UVRAG: variants seen among roughly 807,000 people sequenced by gnomAD.
The protein encoded by UVRAG is UV radiation resistance associated.
In UVRAG, 19 loss-of-function variants were observed where a neutral mutation model predicts 78.0. The observed-to-expected ratio is 0.24, with a 90% confidence interval of 0.17 to 0.36. UVRAG has a LOEUF of 0.36. Ranked by LOEUF, UVRAG falls within the 10% of genes least tolerant of loss-of-function variation. UVRAG has a pLI of 1.00. For synonymous variants in UVRAG, 323 were observed against 324.6 expected, an observed-to-expected ratio of 1.00 and a Z score of 0.05; for missense variants, 740 against 853.8, an observed-to-expected ratio of 0.87 and a Z score of 1.66.
intron 13 of UVRAG, among the ~76,000 whole-genome samples, chr11:76,104,689 T>C (rs1031622502): frequency 6.6e-6 from 1 of 152,220 alleles, no homozygotes; most frequent in African/African-American, 2.4e-5. Context: ...ACCACACATA[T>C]ACATGCACAC....
intron 5 of UVRAG, among the ~76,000 whole-genome samples, chr11:75,905,078 A>G (rs1947586803): frequency 6.6e-6 from 1 of 152,136 alleles, no homozygotes; most frequent in South Asian, 2.1e-4. Context: ...TTTTATAGTA[A>G]GAAAAAATAT....
intron 14 of UVRAG, among the ~76,000 whole-genome samples, chr11:76,121,854 ACAGTGG>A (rs1190740386): frequency 6.6e-6 from 1 of 152,140 alleles, no homozygotes; most frequent in Non-Finnish European, 1.5e-5. Flanking sequence ...ACTCAACACC[ACAGTGG>A]CAGCTACAGA....
At chr11:75,885,227 AC>A (rs764447105) in intron 4 of UVRAG, among the ~76,000 whole-genome samples, 21 of 152,004 alleles carry the variant, frequency 1.4e-4, no homozygotes, top group Non-Finnish European at 2.9e-4. Flanking sequence ...CAAATCTGGT[AC>A]TTTTTTTTGG....
At chr11:76,136,393 T>G (rs1489504326) in intron 14 of UVRAG, among the ~76,000 whole-genome samples, 2 of 152,168 alleles carry the variant, frequency 1.3e-5, no homozygotes, top group African/African-American at 4.8e-5. Context: ...GATAGTCCAT[T>G]CAGTGAAGCA....
At chr11:75,996,680 T>G (rs1949713628) in intron 8 of UVRAG, among the ~76,000 whole-genome samples, 1 of 152,160 alleles carries the variant, frequency 6.6e-6, no homozygotes, top group South Asian at 2.1e-4. Context: ...GGCACAATAA[T>G]GCAAATGTTA....
chr11:75,947,999 A>G (rs541325748), intron 6 of UVRAG, among the ~76,000 whole-genome samples: 1 of 152,296 alleles, frequency 6.6e-6, no homozygotes, highest in Admixed American at 6.5e-5. Context: ...ATTGTGCCTG[A>G]GCTAGATTTC....
intron 1 of UVRAG, 39 bp downstream of exon 1, chr11:75,815,563 G>A: frequency 8.4e-7 from 1 of 1,190,586 alleles, no homozygotes; most frequent in Non-Finnish European, 1.1e-6. Context: ...GAGGGACCCG[G>A]GCAGGCCCGC....
chr11:75,986,987 T>C (rs550776728), intron 8 of UVRAG, among the ~76,000 whole-genome samples: 28 of 152,318 alleles, frequency 1.8e-4, no homozygotes, highest in African/African-American at 6.5e-4. Context: ...TATGTCACAT[T>C]TTAAAAATCC....
At chr11:75,861,882 A>T (rs1590945286) in intron 3 of UVRAG, 102 bp downstream of exon 3, 2 of 972,382 alleles carry the variant, frequency 2.1e-6, no homozygotes, top group Non-Finnish European at 3.2e-6. Flanking sequence ...TGGTTTTATG[A>T]TACTTTAACG....
At chr11:76,052,530 A>G (rs1950889593) in intron 12 of UVRAG, among the ~76,000 whole-genome samples, 1 of 152,116 alleles carries the variant, frequency 6.6e-6, no homozygotes, top group Admixed American at 6.5e-5. Context: ...ATCCCCTGCT[A>G]CTTCAGTTAA....
intron 2 of UVRAG, among the ~76,000 whole-genome samples, chr11:75,852,820 G>A (rs1946185384): frequency 6.6e-6 from 1 of 152,136 alleles, no homozygotes; most frequent in African/African-American, 2.4e-5. Context: ...ATCTATTTAT[G>A]CTAACAAAAG....
intron 3 of UVRAG, among the ~76,000 whole-genome samples, chr11:75,875,595 T>C (rs1946754047): frequency 6.6e-6 from 1 of 152,004 alleles, no homozygotes; most frequent in African/African-American, 2.4e-5. Context: ...ATCTTTTTAC[T>C]CTGTCATCCA....
chr11:76,050,972 C>A (rs1156413883), intron 12 of UVRAG, among the ~76,000 whole-genome samples: 1 of 152,124 alleles, frequency 6.6e-6, no homozygotes, highest in Admixed American at 6.6e-5. Flanking sequence ...CTCTTCTCAT[C>A]TCAAAATAGG....
At chr11:76,082,779 T>G (rs1406639199) in intron 13 of UVRAG, among the ~76,000 whole-genome samples, 1 of 151,702 alleles carries the variant, frequency 6.6e-6, no homozygotes, top group Admixed American at 6.6e-5. Flanking sequence ...CTTGTAATCC[T>G]AGCACTTTGG....
intron 6 of UVRAG, among the ~76,000 whole-genome samples, chr11:75,925,301 C>T (rs1178093113): frequency 2.6e-5 from 4 of 152,148 alleles, no homozygotes; most frequent in Non-Finnish European, 5.9e-5. Flanking sequence ...TTTTTACATG[C>T]CGTTTTATTA....
chr11:76,122,186 A>G (rs1471903139), intron 14 of UVRAG, among the ~76,000 whole-genome samples: 1 of 152,252 alleles, frequency 6.6e-6, no homozygotes, highest in Non-Finnish European at 1.5e-5. Flanking sequence ...TTGAACATTC[A>G]GAGGAAGCCC....
intron 6 of UVRAG, among the ~76,000 whole-genome samples, chr11:75,931,076 A>T (rs887913171): frequency 1.3e-5 from 2 of 151,828 alleles, no homozygotes; most frequent in Admixed American, 1.3e-4. Flanking sequence ...TTAGCATGAC[A>T]GAACTATAAA....
intron 3 of UVRAG, among the ~76,000 whole-genome samples, chr11:75,877,245 ACTT>A (rs1403999714): frequency 6.6e-6 from 1 of 152,134 alleles, no homozygotes; most frequent in African/African-American, 2.4e-5. Context: ...TCCCATGTCT[ACTT>A]CTTTCCACAC....
chr11:76,066,318 C>T (rs1014027721), intron 13 of UVRAG, among the ~76,000 whole-genome samples: 2 of 152,018 alleles, frequency 1.3e-5, no homozygotes, highest in African/African-American at 2.4e-5. Context: ...AATGTCTTTC[C>T]GTATGCCGTA....
Sources: allele counts gnomAD v4.1 joint callset (sites outside exome capture counted in the v4.1 genomes callset), GRCh38; gene constraint gnomAD v4.1.1; transcripts MANE v1.5; gene names NCBI Gene and HGNC (gene_info 2026-07-23, HGNC 2026-07-21).